Variants in CREM observed in about 807,000 individuals in gnomAD.
CREM encodes the protein cAMP-responsive element modulator.
CREM carries 13 observed loss-of-function variants against 37.3 expected under a neutral mutation model. That is an observed-to-expected ratio of 0.35 (90% CI 0.23 to 0.55). CREM has a LOEUF of 0.55. CREM is among the 20% of genes least tolerant of loss of function. The pLI is 0.88. For synonymous variants in CREM, 124 were observed against 120.2 expected (o/e 1.03, Z -0.21); for missense variants, 296 against 362.3 (o/e 0.82, Z 1.49).
intron 1 of CREM, among the ~76,000 whole-genome samples, chr10:35,137,001 A>C (rs1225463688): frequency 6.6e-6 from 1 of 151,978 alleles, no homozygotes; most frequent in Non-Finnish European, 1.5e-5. Context: ...TCTTGTAGAG[A>C]CAAGGTCTCA....
intron 6 of CREM, chr10:35,195,934 A>G: frequency 1.2e-6 from 1 of 824,564 alleles, no homozygotes; most frequent in Non-Finnish European, 2.0e-6. Context: ...AGAGTTAACT[A>G]GCTCACCACT....
chr10:35,154,567 A>AT (rs1394251291), intron 3 of CREM: 1 of 152,132 alleles, frequency 6.6e-6, no homozygotes, highest in Non-Finnish European at 1.5e-5. Flanking sequence ...TTTACTGTAG[A>AT]TTTTTTCACT....
Position 35,211,430 on chromosome 10 carries a change from T to C in CREM, c.*32T>C. 3 of 1,604,368 alleles carry C rather than the reference T, an allele frequency of 1.9e-6. No individual in the cohort carries two copies. The highest frequency in any genetic ancestry group is 2.6e-6 in the Non-Finnish European group (3 of 1,175,012). ...TTGACTTGGACCTTGTTTACTCTAA[T>C]CAAGGCAGGAGATGCAGCAGTCCTA... is the stretch of plus-strand genomic sequence containing the variant. On this transcript the variant is annotated 3_prime_UTR_variant, in exon 8 of 8. Transcript: ENST00000685392.
rs12252595 is a variant in CREM, at chr10:35,186,828, A to G, written c.410-1372A>G. 9.0e-3 allele frequency among the ~76,000 whole-genome samples: 1,074 copies of G among 119,232 alleles called. 16 individuals carry two copies. The highest frequency in any genetic ancestry group is 0.03 in the African/African-American group (905 of 30,132). 78.2% of individuals were successfully genotyped at this position (119,232 alleles called of 152,430 possible). A position where few individuals can be genotyped will look rare whatever the true frequency, so the allele number is the denominator to read the frequency against. On this transcript the variant is annotated intron_variant, in intron 5 of 7. Transcript: ENST00000685392. The stretch of plus-strand genomic sequence containing the variant: ...ATATAATTGTACATAACATATATAC[A>G]TATATAGGTATATATACGTATATAT...
chr10:35,187,084 A>T lies in CREM; in HGVS notation c.410-1116A>T, dbSNP rs368251387. On this transcript the variant is annotated intron_variant, in intron 5 of 7. Coordinates refer to ENST00000685392, the MANE Select transcript of CREM (RefSeq NM_183011.2). ...ATATAATTAATATAATAATATATAT[A>T]ATATATAATATATATGATATATATT... Among the ~76,000 whole-genome samples the T allele has an allele frequency of 6.3e-4, 31 of 49,080 alleles. 1 individual carries two copies. In the South Asian group the frequency reaches 0.013, roughly 21 times the overall value. 32.2% of individuals were successfully genotyped at this position (49,080 alleles called of 152,430 possible).
chr10:35,178,777 C>T, intron 3 of CREM, 112 bp from the exon 4 acceptor site: 1 of 739,502 alleles, frequency 1.4e-6, no homozygotes, highest in Non-Finnish European at 2.2e-6. Flanking sequence ...TGCTCAGTTG[C>T]TTCCACAGCT....
intron 3 of CREM, among the ~76,000 whole-genome samples, chr10:35,160,200 C>G (rs1369564046): frequency 6.6e-6 from 1 of 152,008 alleles, no homozygotes. Flanking sequence ...ATACTACAGG[C>G]AATTGGAGCA....
At chr10:35,162,430 C>T (rs768150770) in intron 3 of CREM, among the ~76,000 whole-genome samples, 20 of 152,126 alleles carry the variant, frequency 1.3e-4, no homozygotes, top group Non-Finnish European at 2.8e-4. Flanking sequence ...GTTCTCACCA[C>T]AAAAACAACT....
chr10:35,188,123 G>T (rs2094732276), intron 5 of CREM, 77 bp from the exon 6 acceptor site: 1 of 1,354,646 alleles, frequency 7.4e-7, no homozygotes, highest in African/African-American at 1.5e-5. Flanking sequence ...AATAGACCCA[G>T]AGTATATTCT....
At chr10:35,186,214 T>C (rs1022709671) in intron 5 of CREM, among the ~76,000 whole-genome samples, 2 of 152,224 alleles carry the variant, frequency 1.3e-5, no homozygotes, top group Non-Finnish European at 2.9e-5. Flanking sequence ...ATCTACTGTT[T>C]GAAGCATGCA....
At chr10:35,189,958 T>A (rs944782629) in intron 6 of CREM, among the ~76,000 whole-genome samples, 8 of 152,182 alleles carry the variant, frequency 5.3e-5, no homozygotes, top group African/African-American at 1.7e-4. Context: ...GGTGGTGGCA[T>A]TTATGGAGTA....
chr10:35,183,174 G>A (rs1013254916), intron 5 of CREM, among the ~76,000 whole-genome samples: 2 of 151,990 alleles, frequency 1.3e-5, no homozygotes, highest in African/African-American at 2.4e-5. Flanking sequence ...TGTATTTTAC[G>A]AGGAATCTTA....
intron 6 of CREM, among the ~76,000 whole-genome samples, chr10:35,203,038 C>T (rs992338063): frequency 2.0e-5 from 3 of 151,836 alleles, no homozygotes; most frequent in East Asian, 1.9e-4. Flanking sequence ...AATGAATGAA[C>T]GTCTTTTTTT....
At position 35,188,369 on chromosome 10, in the gene CREM, C is replaced by G; in HGVS notation, c.579C>G (p.Gly193=). Residue 193 remains glycine (G), a synonymous_variant, in exon 6 of 8, where the codon GGC becomes GGG. Transcript: ENST00000685392. ...ADGTQQFFVP[G]SQVVVQAATG... ...GCACACAGCAGTTCTTTGTCCCAGG[C>G]AGCCAGGTTGTTGTTCAAGGTATAT... The G allele has an allele frequency of 6.2e-7, 1 of 1,611,876 alleles. No individual in the cohort carries two copies. The highest frequency in any genetic ancestry group is 8.5e-7 in the Non-Finnish European group (1 of 1,179,122).
chr10:35,190,806 C>T (rs904674443), intron 6 of CREM, among the ~76,000 whole-genome samples: 3 of 152,020 alleles, frequency 2.0e-5, no homozygotes, highest in Admixed American at 6.6e-5. Flanking sequence ...GGACTACAGG[C>T]GCCTGCCACC....
At chr10:35,162,499 C>T (rs991069749) in intron 3 of CREM, among the ~76,000 whole-genome samples, 3 of 152,148 alleles carry the variant, frequency 2.0e-5, no homozygotes, top group Non-Finnish European at 2.9e-5. Flanking sequence ...TGTATATATA[C>T]TCCAAAACAT....
chr10:35,197,239 T>C (rs1485296838), intron 6 of CREM, among the ~76,000 whole-genome samples: 3 of 152,096 alleles, frequency 2.0e-5, no homozygotes, highest in African/African-American at 7.2e-5. Flanking sequence ...ACATGATTGA[T>C]TTTCCTTTTC....
intron 3 of CREM, chr10:35,175,863 C>A (rs1159569153): frequency 2.4e-5 from 38 of 1,572,610 alleles, no homozygotes; most frequent in Non-Finnish European, 3.3e-5. Flanking sequence ...GTTTCTGTGG[C>A]TGGATCAGGC....
chr10:35,196,343 C>T (rs1564955432), intron 6 of CREM: 6 of 514,158 alleles, frequency 1.2e-5, no homozygotes, highest in Non-Finnish European at 1.7e-5. Context: ...TTCTCAGTAA[C>T]AAAGAGTGAT....
Sources: gnomAD v4.1 joint callset for allele counts (sites outside exome capture counted in the v4.1 genomes callset) on GRCh38, gnomAD v4.1.1 for gene constraint, MANE v1.5 for transcripts, NCBI Gene and HGNC (gene_info 2026-07-23, HGNC 2026-07-21) for gene names.